The following IL6R variants were observed in gnomAD, a reference collection of about 807,000 sequenced individuals.
The protein encoded by IL6R is interleukin 6 receptor.
A neutral mutation model predicts 48.3 loss-of-function variants in IL6R; 38 were observed. That is an observed-to-expected ratio of 0.79 (90% CI 0.61 to 1.03). The LOEUF is 1.03. Ranked by LOEUF, IL6R falls within the 50% of genes least tolerant of loss-of-function variation. The pLI is 0.00. For missense variants in IL6R, 534 were observed against 618.3 expected (o/e 0.86, Z 1.45); for synonymous variants, 264 against 256.2 (o/e 1.03, Z -0.29).
intron 1 of IL6R, among the ~76,000 whole-genome samples, chr1:154,408,713 C>T (rs886937689): frequency 2.2e-4 from 33 of 152,238 alleles, no homozygotes; most frequent in Admixed American, 2.1e-3. Context: ...ACACTCCCTT[C>T]CCCCGTCTCC....
At chr1:154,434,108 A>G (rs992695086) in intron 3 of IL6R, among the ~76,000 whole-genome samples, 1 of 151,804 alleles carries the variant, frequency 6.6e-6, no homozygotes, top group African/African-American at 2.4e-5. Flanking sequence ...TGAGGCGGGC[A>G]GATCACCTGA....
chr1:154,448,198 C>G (rs765618701), intron 7 of IL6R, 27 bp downstream of exon 7: 9 of 1,601,614 alleles, frequency 5.6e-6, no homozygotes, highest in Non-Finnish European at 5.1e-6. Flanking sequence ...GTAAAAGGGT[C>G]AGGGCTGCAG....
chr1:154,447,455 AT>A lies in IL6R; in HGVS notation c.950-669del, dbSNP rs201655603. ...CTCCATCTCAAAAAAAAAAAAAAAA[AT>A]ATATATATATATATATATATACACA... On this transcript the variant is annotated intron_variant, in intron 6 of 9. Coordinates refer to ENST00000368485, the MANE Select transcript of IL6R (RefSeq NM_000565.4). 4.2e-3 allele frequency among the ~76,000 whole-genome samples: 316 copies of A among 75,238 alleles called. 13 individuals are homozygous for A. The highest frequency in any genetic ancestry group is 0.018 in the South Asian group (49 of 2,662). The allele number at this position is 75,238 out of a possible 152,430, so 49.4% of individuals were successfully genotyped here.
intron 9 of IL6R, among the ~76,000 whole-genome samples, chr1:154,464,523 T>C (rs990676874): frequency 5.9e-5 from 9 of 152,172 alleles, no homozygotes; most frequent in African/African-American, 2.2e-4. Context: ...GCCTCTGCAA[T>C]GGGACAATTA....
At chr1:154,464,343 C>T (rs778717395) in intron 9 of IL6R, among the ~76,000 whole-genome samples, 148 of 152,070 alleles carry the variant, frequency 9.7e-4, no homozygotes, top group Non-Finnish European at 1.6e-3. Context: ...TTAGTAGAGA[C>T]GGGGTTTCAC....
chr1:154,410,763 C>G (rs556876031), intron 1 of IL6R, among the ~76,000 whole-genome samples: 28 of 152,148 alleles, frequency 1.8e-4, no homozygotes, highest in Non-Finnish European at 3.4e-4. Context: ...TCCCTGAGGC[C>G]CTGCATCCAG....
At chr1:154,440,223 ATG>A (rs1222457031) in intron 6 of IL6R, among the ~76,000 whole-genome samples, 1 of 148,330 alleles carries the variant, frequency 6.7e-6, no homozygotes, top group Non-Finnish European at 1.5e-5. Flanking sequence ...GTGGTATAAC[ATG>A]TGTCAGACTT....
intron 2 of IL6R, 70 bp downstream of exon 2, chr1:154,429,514 C>T: frequency 1.3e-6 from 2 of 1,498,156 alleles, no homozygotes. Context: ...TCCAGACAGT[C>T]CCTGTCTGAG....
In IL6R at chr1:154,465,273, C is replaced by T. The variant is rs150069111; in HGVS notation, c.1300C>T (p.Pro434Ser). 1.9e-5 allele frequency: 31 copies of T among 1,614,192 alleles called. No homozygotes were observed. Among genetic ancestry groups the T allele is most frequent in the Non-Finnish European group, 2.6e-5 (31 of 1,180,024 alleles). Residue 434 changes from proline to serine, a missense_variant, in exon 10 of 10, where the codon CCC (proline) becomes TCC (serine). Physicochemically the swap from Pro to Ser is moderately conservative, Grantham distance 74 (BLOSUM62 -1). Coordinates refer to ENST00000368485, the MANE Select transcript of IL6R (RefSeq NM_000565.4). Reference protein sequence around the residue: ...LVPLISPPVSPSSLGSDNTSS... With the variant: ...LVPLISPPVSSSSLGSDNTSS... ...TCCTCTCATCTCCCCACCGGTGTCC[C>T]CCAGCAGCCTGGGGTCTGACAATAC...
chr1:154,444,062 G>GCC (rs1369059483), intron 6 of IL6R, among the ~76,000 whole-genome samples: 2 of 152,022 alleles, frequency 1.3e-5, no homozygotes, highest in Non-Finnish European at 2.9e-5. Flanking sequence ...CACTCTTCGT[G>GCC]CCCCTCTCCA....
chr1:154,446,196 T>G (rs1038347161), intron 6 of IL6R, among the ~76,000 whole-genome samples: 1 of 152,232 alleles, frequency 6.6e-6, no homozygotes, highest in East Asian at 1.9e-4. Context: ...AACAATAAAC[T>G]GGGTCCCTCC....
In IL6R at chr1:154,424,963, G is replaced by T. The variant is rs75869035; in HGVS notation, c.86-4233G>T. Among the ~76,000 whole-genome samples, 1,395 of 152,298 alleles carry T rather than the reference G, an allele frequency of 9.2e-3. 18 individuals carry two copies. Among genetic ancestry groups the T allele is most frequent in the African/African-American group, 0.033 (1,364 of 41,550 alleles). On this transcript the variant is annotated intron_variant, in intron 1 of 9. Transcript: ENST00000368485. ...ACTCCAAAGGGGTCCGCATGAGAGGGTTGTGATTGATTGAGCAAGCAGGGG... is the reference window on the plus strand; with the variant it reads ...ACTCCAAAGGGGTCCGCATGAGAGGTTTGTGATTGATTGAGCAAGCAGGGG...
intron 6 of IL6R, among the ~76,000 whole-genome samples, chr1:154,445,876 G>A (rs368308725): frequency 5.3e-5 from 8 of 152,050 alleles, no homozygotes; most frequent in East Asian, 3.8e-4. Flanking sequence ...TGAACTGCAC[G>A]AGCATCCATG....
chr1:154,422,928 C>T (rs923891494), intron 1 of IL6R, among the ~76,000 whole-genome samples: 1 of 152,004 alleles, frequency 6.6e-6, no homozygotes, highest in Non-Finnish European at 1.5e-5. Context: ...AGGGAGGGCC[C>T]CAGCAGATTC....
chr1:154,425,433 T>C (rs1366120657), intron 1 of IL6R, among the ~76,000 whole-genome samples: 3 of 152,056 alleles, frequency 2.0e-5, no homozygotes, highest in African/African-American at 7.2e-5. Flanking sequence ...CACAACGAAA[T>C]ATTACATAGC....
At chr1:154,444,075 AC>A (rs1227635682) in intron 6 of IL6R, among the ~76,000 whole-genome samples, 30 of 150,214 alleles carry the variant, frequency 2.0e-4, no homozygotes, top group Admixed American at 6.6e-5. Flanking sequence ...CCTCTCCACG[AC>A]CCTCCTCCCT....
chr1:154,418,487 T>C, intron 1 of IL6R: 1 of 852,648 alleles, frequency 1.2e-6, no homozygotes, highest in Non-Finnish European at 1.4e-6. Flanking sequence ...AATACATATG[T>C]GGGGGAGGAG....
chr1:154,430,683 T>A (rs1570954290), intron 3 of IL6R, 77 bp downstream of exon 3: 1 of 1,572,612 alleles, frequency 6.4e-7, no homozygotes, highest in Admixed American at 1.8e-5. Context: ...CTGGTTCAGG[T>A]GATTTCAAAA....
At chr1:154,443,856 G>C (rs532497122) in intron 6 of IL6R, among the ~76,000 whole-genome samples, 1 of 152,218 alleles carries the variant, frequency 6.6e-6, no homozygotes, top group Non-Finnish European at 1.5e-5. Context: ...CCTCCCTCCT[G>C]TGCCAGGTGC....
Sources: allele counts gnomAD v4.1 joint callset (sites outside exome capture counted in the v4.1 genomes callset), GRCh38; gene constraint gnomAD v4.1.1; transcripts MANE v1.5; gene names NCBI Gene and HGNC (gene_info 2026-07-23, HGNC 2026-07-21).